The following GRIK4 variants were observed in gnomAD, a reference collection of about 807,000 sequenced individuals.
GRIK4 encodes glutamate ionotropic receptor kainate type subunit 4.
In GRIK4, 40 loss-of-function variants were observed where a neutral mutation model predicts 104.9. The observed-to-expected ratio is 0.38, with a 90% confidence interval of 0.30 to 0.50. The LOEUF (loss-of-function observed/expected upper bound fraction) is 0.50. GRIK4 is among the 20% of genes least tolerant of loss of function. The pLI, the probability that GRIK4 is intolerant of heterozygous loss-of-function variation, is 0.93. For missense variants in GRIK4, 1,047 were observed against 1,308.1 expected (o/e 0.80, Z 3.08); for synonymous variants, 485 against 524.9 (o/e 0.92, Z 1.04).
At chr11:120,523,843 C>G (rs1947825635) in intron 1 of GRIK4, among the ~76,000 whole-genome samples, 1 of 151,550 alleles carries the variant, frequency 6.6e-6, no homozygotes, top group African/African-American at 2.4e-5. Context: ...CCCTTGGATG[C>G]TTTGGGGAGG....
chr11:120,589,273 G>A (rs976854999), intron 1 of GRIK4, among the ~76,000 whole-genome samples: 15 of 152,174 alleles, frequency 9.9e-5, no homozygotes, highest in African/African-American at 3.6e-4. Flanking sequence ...GAGAGCCGCT[G>A]CACTACATCG....
chr11:120,713,638 A>AT (rs1408355093), intron 3 of GRIK4, among the ~76,000 whole-genome samples: 1 of 152,112 alleles, frequency 6.6e-6, no homozygotes, highest in Admixed American at 6.5e-5. Flanking sequence ...GCTACAGAGG[A>AT]TTTTTTAAGG....
chr11:120,658,852 C>T (rs1051195311), intron 2 of GRIK4, among the ~76,000 whole-genome samples: 1 of 145,934 alleles, frequency 6.9e-6, no homozygotes, highest in Non-Finnish European at 1.5e-5. Flanking sequence ...CGGTTCACGC[C>T]ATTCTCCTGC....
chr11:120,601,004 C>T lies in GRIK4; in HGVS notation c.-158-52681C>T, dbSNP rs1023704345. ...TGGGGAGATGGAAGCTGTAGTGAGC[C>T]GGATCGTGCCACTGCACTCTAGCCT... is the stretch of plus-strand genomic sequence containing the variant. On this transcript the variant is annotated intron_variant, in intron 1 of 20. Coordinates refer to ENST00000527524, the MANE Select transcript of GRIK4 (RefSeq NM_014619.5). Among the ~76,000 whole-genome samples the T allele has an allele frequency of 7.2e-5, 11 of 152,150 alleles. No homozygotes were observed. The South Asian group carries it at 1.2e-3, about 17-fold the overall frequency.
chr11:120,761,175 G>T (rs144423213), intron 3 of GRIK4, among the ~76,000 whole-genome samples: 3 of 152,130 alleles, frequency 2.0e-5, no homozygotes, highest in African/African-American at 7.2e-5. Context: ...TTGTGGTTTT[G>T]ATTTGAATTT....
At chr11:120,876,094 A>G (rs1954781365) in intron 11 of GRIK4, among the ~76,000 whole-genome samples, 1 of 151,736 alleles carries the variant, frequency 6.6e-6, no homozygotes, top group African/African-American at 2.4e-5. Context: ...CACCTTTTCC[A>G]GGAGATTATG....
rs1191382541 is a variant in GRIK4 at position 120,623,648 on chromosome 11, G to A, written c.-158-30037G>A. Among the ~76,000 whole-genome samples, 6 of 152,232 alleles carry A rather than the reference G, an allele frequency of 3.9e-5. No homozygotes were observed. The South Asian group carries it at 1.2e-3, about 32-fold the overall frequency. On this transcript the variant is annotated intron_variant, in intron 1 of 20. Coordinates refer to ENST00000527524, the MANE Select transcript of GRIK4 (RefSeq NM_014619.5). ...TTACAATCTACTAAATTGATTTCAC[G>A]GACCTACTTATGGGTTGTGACCCAT... is the stretch of plus-strand genomic sequence containing the variant.
At chr11:120,829,217 A>G (rs181558958) in intron 6 of GRIK4, among the ~76,000 whole-genome samples, 4 of 152,252 alleles carry the variant, frequency 2.6e-5, no homozygotes, top group Admixed American at 1.3e-4. Context: ...CTCCAGATGC[A>G]CCAGCTCCGT....
chr11:120,620,424 A>G (rs577912331), intron 1 of GRIK4, among the ~76,000 whole-genome samples: 5 of 152,004 alleles, frequency 3.3e-5, no homozygotes, highest in Admixed American at 6.6e-5. Context: ...GTCCCCATGT[A>G]TGGCCACAGC....
chr11:120,585,563 TAA>T (rs1478414842), intron 1 of GRIK4, among the ~76,000 whole-genome samples: 1 of 152,152 alleles, frequency 6.6e-6, no homozygotes, highest in Non-Finnish European at 1.5e-5. Flanking sequence ...TTAACTTTGA[TAA>T]AGTCTAATTT....
intron 3 of GRIK4, among the ~76,000 whole-genome samples, chr11:120,752,560 A>G (rs1033537983): frequency 6.6e-5 from 10 of 152,224 alleles, no homozygotes; most frequent in African/African-American, 2.4e-4. Context: ...AGAGTTTAAC[A>G]GTGTTGGCCT....
At chr11:120,778,370 G>C (rs1027471350) in intron 3 of GRIK4, among the ~76,000 whole-genome samples, 1 of 152,164 alleles carries the variant, frequency 6.6e-6, no homozygotes, top group Non-Finnish European at 1.5e-5. Context: ...AGATAAATTT[G>C]TTTTGTGGAT....
At chr11:120,571,514 C>T (rs976616873) in intron 1 of GRIK4, among the ~76,000 whole-genome samples, 2 of 152,176 alleles carry the variant, frequency 1.3e-5, no homozygotes, top group African/African-American at 4.8e-5. Context: ...CTGCATGCTG[C>T]ACTAGTAAGT....
chr11:120,649,941 T>G (rs1462538103), intron 1 of GRIK4, among the ~76,000 whole-genome samples: 1 of 152,202 alleles, frequency 6.6e-6, no homozygotes, highest in East Asian at 1.9e-4. Flanking sequence ...CTGAGCTGTT[T>G]TGTTTCAAAG....
intron 13 of GRIK4, among the ~76,000 whole-genome samples, chr11:120,930,086 T>G (rs1005191575): frequency 2.0e-5 from 3 of 151,958 alleles, no homozygotes; most frequent in African/African-American, 2.4e-5. Context: ...TTGGGGAAAG[T>G]CACTGCGAAC....
At chr11:120,516,783 C>A (rs950744353) in intron 1 of GRIK4, among the ~76,000 whole-genome samples, 1 of 152,040 alleles carries the variant, frequency 6.6e-6, no homozygotes, top group East Asian at 1.9e-4. Context: ...TGCTGGAGAC[C>A]AGGGGGATGG....
At chr11:120,689,725 C>T (rs1163457833) in intron 3 of GRIK4, among the ~76,000 whole-genome samples, 9 of 152,178 alleles carry the variant, frequency 5.9e-5, no homozygotes, top group Non-Finnish European at 8.8e-5. Flanking sequence ...TGAGTCATTT[C>T]TCTTCTGAGT....
chr11:120,936,093 T>C (rs1943592543), intron 13 of GRIK4: 1 of 229,164 alleles, frequency 4.4e-6, no homozygotes, highest in Non-Finnish European at 8.9e-6. Flanking sequence ...TCTTCCTTGT[T>C]TTCCGCCTCT....
intron 1 of GRIK4, among the ~76,000 whole-genome samples, chr11:120,531,099 T>C (rs1435160383): frequency 4.6e-5 from 7 of 152,210 alleles, no homozygotes; most frequent in Admixed American, 3.9e-4. Flanking sequence ...GACAGCCCTT[T>C]AGATATTTGG....
Sources: allele counts gnomAD v4.1 joint callset (sites outside exome capture counted in the v4.1 genomes callset), GRCh38; gene constraint gnomAD v4.1.1; transcripts MANE v1.5; gene names NCBI Gene and HGNC (gene_info 2026-07-23, HGNC 2026-07-21).